The following VDAC3 variants were observed in gnomAD, a reference collection of about 807,000 sequenced individuals.
VDAC3 encodes non-selective voltage-gated ion channel VDAC3.
VDAC3 carries 7 observed loss-of-function variants against 33.9 expected under a neutral mutation model. The ratio of observed to expected loss-of-function variants is 0.21; its 90% CI spans 0.12 to 0.39. The LOEUF (loss-of-function observed/expected upper bound fraction) is 0.39. VDAC3 is among the 10% of genes least tolerant of loss of function. The pLI, the probability that VDAC3 is intolerant of heterozygous loss-of-function variation, is 1.00. For missense variants in VDAC3, 261 were observed against 334.5 expected (o/e 0.78, Z 1.71); for synonymous variants, 100 against 122.4 (o/e 0.82, Z 1.21).
chr8:42,393,728 G>A (rs1802251035), intron 1 of VDAC3, 117 bp from the exon 2 acceptor site: 4 of 395,484 alleles, frequency 1.0e-5, no homozygotes, highest in Admixed American at 8.5e-5. Context: ...ACTTCAATTC[G>A]TATGGTAAAT....
At chr8:42,400,855 G>A (rs531400269) in intron 6 of VDAC3, among the ~76,000 whole-genome samples, 75 of 151,554 alleles carry the variant, frequency 4.9e-4, no homozygotes, top group South Asian at 2.1e-3. Context: ...TAGTAGAGAC[G>A]GAGTTTTACC....
In VDAC3 at chr8:42,396,097, A is replaced by C. The variant is rs1322346059; in HGVS notation, c.117+964A>C. Reference sequence around the variant, plus strand: ...ATGGTGAAACCCCGTCTCTACTAAAAATACAAAAAAATTAGCCAGACCTGA... The same window carrying C: ...ATGGTGAAACCCCGTCTCTACTAAACATACAAAAAAATTAGCCAGACCTGA... On this transcript the variant is annotated intron_variant, in intron 4 of 9. Coordinates refer to ENST00000022615, the MANE Select transcript of VDAC3 (RefSeq NM_005662.7). Among the ~76,000 whole-genome samples the C allele has an allele frequency of 2.6e-5, 4 of 151,910 alleles. No individual in the cohort carries two copies. The South Asian group carries it at 6.2e-4, about 24-fold the overall frequency.
chr8:42,404,766 G>C (rs1802470373), intron 8 of VDAC3, 101 bp from the exon 9 acceptor site: 1 of 928,958 alleles, frequency 1.1e-6, no homozygotes, highest in Non-Finnish European at 1.6e-6. Context: ...ATTGGCCCTA[G>C]GGTGCTTTTA....
intron 3 of VDAC3, among the ~76,000 whole-genome samples, chr8:42,394,729 G>GTACATA (rs1329131836): frequency 6.6e-6 from 1 of 151,964 alleles, no homozygotes; most frequent in Non-Finnish European, 1.5e-5. Flanking sequence ...TTTATGTGCT[G>GTACATA]TACATATTTG....
At chr8:42,401,355 C>T (rs897879690) in intron 6 of VDAC3, among the ~76,000 whole-genome samples, 2 of 152,132 alleles carry the variant, frequency 1.3e-5, no homozygotes, top group African/African-American at 4.8e-5. Flanking sequence ...TGCCACCACG[C>T]CCAGCTAATT....
chr8:42,396,861 A>G, intron 4 of VDAC3: 1 of 580,670 alleles, frequency 1.7e-6, no homozygotes, highest in South Asian at 2.2e-5. Context: ...TAAGCATTTA[A>G]TGTAGAGCTA....
intron 5 of VDAC3, 40 bp downstream of exon 5, chr8:42,398,904 A>G (rs1802367728): frequency 3.1e-6 from 5 of 1,604,440 alleles, no homozygotes; most frequent in African/African-American, 1.3e-5. Flanking sequence ...GGTTCAATTT[A>G]TCTTGTAGAT....
intron 6 of VDAC3, among the ~76,000 whole-genome samples, chr8:42,400,638 C>T (rs1802399874): frequency 1.3e-5 from 2 of 150,050 alleles, no homozygotes; most frequent in African/African-American, 4.9e-5. Flanking sequence ...CTTTTTGCCA[C>T]ACACTTCAGT....
At position 42,405,074 on chromosome 8, in the gene VDAC3, A is replaced by G. The variant is rs1480983958; in HGVS notation, c.760+150A>G. On this transcript the variant is annotated intron_variant, in intron 9 of 9. Coordinates refer to ENST00000022615, the MANE Select transcript of VDAC3 (RefSeq NM_005662.7). ...GTTCAGACAGAAAACAATACAGATC[A>G]AATACTTTTGCATTAAAAAAGTATG... The G allele has an allele frequency of 2.7e-5, 21 of 772,326 alleles. No homozygotes were observed. In the Admixed American group the frequency reaches 5.8e-4, roughly 21 times the overall value. 47.8% of individuals were successfully genotyped at this position (772,326 alleles called of 1,614,324 possible). A position where few individuals can be genotyped will look rare whatever the true frequency, so the allele number is the denominator to read the frequency against.
chr8:42,394,090 A>G (rs1002327342), intron 2 of VDAC3, 120 bp from the exon 3 acceptor site: 33 of 850,940 alleles, frequency 3.9e-5, no homozygotes, highest in Non-Finnish European at 6.2e-5. Context: ...TAAAGCATTA[A>G]TGATACACAG....
intron 4 of VDAC3, among the ~76,000 whole-genome samples, chr8:42,396,442 G>T (rs7818866): frequency 0.072 from 10,947 of 152,114 alleles, 707 homozygotes; most frequent in African/African-American, 0.16. Context: ...ATGATACTGT[G>T]TATAATCATG....
At chr8:42,393,699 A>T in intron 1 of VDAC3, 146 bp from the exon 2 acceptor site, 1 of 386,528 alleles carries the variant, frequency 2.6e-6, no homozygotes, top group Non-Finnish European at 4.6e-6. Flanking sequence ...TTGAGAGAAG[A>T]TATATTCTAG....
At chr8:42,398,680 T>C (rs765038538) in intron 4 of VDAC3, 32 bp from the exon 5 acceptor site, 27 of 1,598,822 alleles carry the variant, frequency 1.7e-5, no homozygotes, top group Middle Eastern at 1.7e-4. Flanking sequence ...GATGAGCTAA[T>C]TTTAAAGTAA....
intron 4 of VDAC3, among the ~76,000 whole-genome samples, chr8:42,396,075 G>A (rs1802307572): frequency 6.6e-6 from 1 of 151,580 alleles, no homozygotes; most frequent in African/African-American, 2.4e-5. Context: ...GGCTAATATG[G>A]TGAAACCCCG....
Position 42,394,435 on chromosome 8 carries a change from C to G in VDAC3, c.67+157C>G, listed in dbSNP as rs190436540. 1.1e-4 allele frequency among the ~76,000 whole-genome samples: 16 copies of G among 152,252 alleles called. No individual in the cohort carries two copies. The East Asian group carries it at 3.1e-3, about 29-fold the overall frequency. Reference sequence around the variant, plus strand: ...TATTAACAGGCTATTAGACCTCATTCTTTAGAGGCAGAACCCCTTACAAGC... The same window carrying G: ...TATTAACAGGCTATTAGACCTCATTGTTTAGAGGCAGAACCCCTTACAAGC... On this transcript the variant is annotated intron_variant, in intron 3 of 9. Coordinates refer to ENST00000022615, the MANE Select transcript of VDAC3 (RefSeq NM_005662.7).
intron 7 of VDAC3, 97 bp downstream of exon 7, chr8:42,402,112 G>T: frequency 3.1e-6 from 4 of 1,286,338 alleles, no homozygotes; most frequent in Non-Finnish European, 4.4e-6. Context: ...GATTTAGCAT[G>T]CCTTGGTGAA....
At chr8:42,394,587 G>A (rs536487092) in intron 3 of VDAC3, among the ~76,000 whole-genome samples, 2 of 152,172 alleles carry the variant, frequency 1.3e-5, no homozygotes, top group South Asian at 4.2e-4. Context: ...TAAATTAGGG[G>A]GTAGAACTTT....
Position 42,393,737 on chromosome 8 carries a change from A to G in VDAC3, c.-42-108A>G, listed in dbSNP as rs139570904. The G allele has an allele frequency of 6.5e-3, 2,598 of 399,366 alleles. 11 individuals carry two copies. Among genetic ancestry groups the G allele is most frequent in the Non-Finnish European group, 9.3e-3 (2,099 of 226,138 alleles). The allele number at this position is 399,366 out of a possible 1,614,324, so 24.7% of individuals were successfully genotyped here. A position where few individuals can be genotyped will look rare whatever the true frequency, so the allele number is the denominator to read the frequency against. The stretch of plus-strand genomic sequence containing the variant: ...GAATACACTTCAATTCGTATGGTAA[A>G]TTCTTATTTTAAGAACTGAATTTCA... On this transcript the variant is annotated intron_variant, in intron 1 of 9. Transcript: ENST00000022615.
intron 6 of VDAC3, 52 bp downstream of exon 6, chr8:42,399,755 G>A (rs1802383770): frequency 6.5e-7 from 1 of 1,543,934 alleles, no homozygotes. Flanking sequence ...TGAAAGGGTA[G>A]AGAGCTTTAG....
Sources: gnomAD v4.1 joint callset for allele counts (sites outside exome capture counted in the v4.1 genomes callset) on GRCh38, gnomAD v4.1.1 for gene constraint, MANE v1.5 for transcripts, NCBI Gene and HGNC (gene_info 2026-07-23, HGNC 2026-07-21) for gene names.